DOCK7: variants seen among roughly 807,000 people sequenced by gnomAD.
DOCK7 encodes the protein dedicator of cytokinesis protein 7.
Under a neutral mutation model 271.0 loss-of-function variants are expected in DOCK7, and 138 were observed. The ratio of observed to expected loss-of-function variants is 0.51; its 90% confidence interval spans 0.44 to 0.59. The LOEUF is 0.59. Ranked by LOEUF, DOCK7 falls within the 20% of genes least tolerant of loss-of-function variation. The pLI, the probability that DOCK7 is intolerant of heterozygous loss-of-function variation, is 0.00. For missense variants in DOCK7, 2,066 were observed against 2,592.4 expected (o/e 0.80, Z 4.41); for synonymous variants, 823 against 876.1 (o/e 0.94, Z 1.07).
intron 18 of DOCK7, among the ~76,000 whole-genome samples, chr1:62,564,639 G>T (rs1646448796): frequency 6.6e-6 from 1 of 152,052 alleles, no homozygotes; most frequent in Admixed American, 6.6e-5. Flanking sequence ...ACAATTAAAA[G>T]AACTAGAGAA....
chr1:62,488,945 T>C lies in DOCK7; in HGVS notation c.5482A>G (p.Ile1828Val). The change falls in exon 42 of 50, where the codon ATT becomes GTT. Residue 1828 changes from isoleucine (I) to valine (V), a missense_variant. Physicochemically the swap from Ile to Val is conservative, Grantham distance 29. Transcript: ENST00000635253. ...ATTGGAATCATTACCTGATGAACAA[T>C]TTTGCTGAATGCTTCTTGAAGTTTA... ...HGKLQEAFSKIVHQSTGWERM... is the reference protein window; with the variant it reads ...HGKLQEAFSKVVHQSTGWERM... 2 of 1,613,694 alleles carry C rather than the reference T, an allele frequency of 1.2e-6. No homozygotes were observed. Among genetic ancestry groups the C allele is most frequent in the Non-Finnish European group, 1.7e-6 (2 of 1,179,852 alleles).
Position 62,513,348 on chromosome 1 carries a change from C to G in DOCK7, c.4282+96G>C, listed in dbSNP as rs1571353978. 1.9e-5 allele frequency: 22 copies of G among 1,160,658 alleles called. No individual in the cohort carries two copies. In the East Asian group the frequency reaches 8.6e-4, roughly 46 times the overall value. The allele number at this position is 1,160,658 out of a possible 1,614,324, so 71.9% of individuals were successfully genotyped here. A position where few individuals can be genotyped will look rare whatever the true frequency, so the allele number is the denominator to read the frequency against. On this transcript the variant is annotated intron_variant, in intron 33 of 49. Coordinates refer to ENST00000635253, the MANE Select transcript of DOCK7 (RefSeq NM_001367561.1). ...TTATTCAAGTTAATTCACAGTTACA[C>G]TTAAAACACTTTTTAAAAAGCATAG... is the stretch of plus-strand genomic sequence containing the variant.
At chr1:62,549,784 T>G (rs1412656901) in intron 22 of DOCK7, among the ~76,000 whole-genome samples, 1 of 152,196 alleles carries the variant, frequency 6.6e-6, no homozygotes, top group Non-Finnish European at 1.5e-5. Context: ...ATTATTTTTC[T>G]GTACCCATTA....
intron 34 of DOCK7, among the ~76,000 whole-genome samples, chr1:62,510,323 G>C (rs549036760): frequency 2.4e-4 from 36 of 152,266 alleles, no homozygotes; most frequent in Non-Finnish European, 4.3e-4. Flanking sequence ...GTTGCTGAAT[G>C]CATTTTCCAA....
At chr1:62,557,137 C>A (rs929145650) in intron 20 of DOCK7, among the ~76,000 whole-genome samples, 73 of 150,426 alleles carry the variant, frequency 4.9e-4, no homozygotes, top group Non-Finnish European at 9.6e-4. Flanking sequence ...TAGCTTCAGG[C>A]AGTCCTCCCA....
intron 41 of DOCK7, among the ~76,000 whole-genome samples, chr1:62,490,471 C>G (rs143033890): frequency 1.3e-5 from 2 of 152,252 alleles, no homozygotes; most frequent in Non-Finnish European, 2.9e-5. Flanking sequence ...GCCACCGAGT[C>G]CTCATCGGTT....
intron 22 of DOCK7, among the ~76,000 whole-genome samples, chr1:62,547,408 G>C (rs1571491835): frequency 6.6e-6 from 1 of 152,230 alleles, no homozygotes; most frequent in East Asian, 1.9e-4. Flanking sequence ...GTGTATGTAA[G>C]TGTGAGGTTT....
Position 62,547,028 on chromosome 1 carries a change from A to G in DOCK7, c.2767-1989T>C, listed in dbSNP as rs187232433. On this transcript the variant is annotated intron_variant, in intron 22 of 49. Coordinates refer to ENST00000635253, the MANE Select transcript of DOCK7 (RefSeq NM_001367561.1). ...TTTTCTCTCATGAATTTCCACAAAA[A>G]GAATAAGAACTTTGCTGTACTCTTA... 3.2e-4 allele frequency among the ~76,000 whole-genome samples: 48 copies of G among 152,290 alleles called. No homozygotes were observed. The East Asian group carries it at 7.3e-3, about 23-fold the overall frequency.
chr1:62,507,234 G>A (rs887126708), intron 35 of DOCK7, among the ~76,000 whole-genome samples: 2 of 152,154 alleles, frequency 1.3e-5, no homozygotes, highest in African/African-American at 4.8e-5. Context: ...GCAGAGTAGT[G>A]GTAGTAGAAA....
chr1:62,497,414 C>T (rs920742266), intron 37 of DOCK7, among the ~76,000 whole-genome samples: 1 of 152,116 alleles, frequency 6.6e-6, no homozygotes, highest in South Asian at 2.1e-4. Flanking sequence ...ATCTGGATGT[C>T]TCATAGGTAC....
At chr1:62,462,139 G>T (rs1225151202) in intron 48 of DOCK7, among the ~76,000 whole-genome samples, 6 of 150,828 alleles carry the variant, frequency 4.0e-5, no homozygotes, top group Admixed American at 2.6e-4. Context: ...AAATGTACAA[G>T]ACCTCTACAC....
intron 1 of DOCK7, among the ~76,000 whole-genome samples, 193 bp downstream of exon 1, chr1:62,688,034 G>T (rs2149794167): frequency 6.6e-6 from 1 of 151,572 alleles, no homozygotes; most frequent in East Asian, 2.0e-4. Context: ...GCTGAAGGCC[G>T]GGGTTCGAGG....
chr1:62,672,263 T>C (rs1359186237), intron 1 of DOCK7, among the ~76,000 whole-genome samples: 1 of 152,156 alleles, frequency 6.6e-6, no homozygotes, highest in Non-Finnish European at 1.5e-5. Context: ...ATACCTTACA[T>C]TATACAATAT....
intron 42 of DOCK7, 94 bp from the exon 43 acceptor site, chr1:62,487,506 C>T: frequency 9.0e-7 from 1 of 1,104,988 alleles, no homozygotes; most frequent in Admixed American, 1.9e-5. Context: ...AATTCTTCTC[C>T]ACAAACAGAA....
At chr1:62,589,044 C>T (rs1356588539) in intron 14 of DOCK7, among the ~76,000 whole-genome samples, 2 of 152,134 alleles carry the variant, frequency 1.3e-5, no homozygotes, top group Non-Finnish European at 2.9e-5. Context: ...CCCCAGCCCA[C>T]CTAAATCCAT....
intron 31 of DOCK7, among the ~76,000 whole-genome samples, chr1:62,522,212 A>T (rs74777276): frequency 8.3e-4 from 127 of 152,214 alleles, no homozygotes; most frequent in Non-Finnish European, 1.5e-3. Context: ...CCTCATTTTA[A>T]TTGGCTAGCC....
chr1:62,567,974 C>T (rs1646577491), intron 18 of DOCK7, among the ~76,000 whole-genome samples: 1 of 152,166 alleles, frequency 6.6e-6, no homozygotes, highest in Non-Finnish European at 1.5e-5. Context: ...TGTCACATTG[C>T]ATTTAGTCTA....
At chr1:62,474,469 C>A (rs1186900107) in intron 47 of DOCK7, among the ~76,000 whole-genome samples, 1 of 152,184 alleles carries the variant, frequency 6.6e-6, no homozygotes, top group Non-Finnish European at 1.5e-5. Context: ...AAAACAGGTT[C>A]CCTCAGTATT....
chr1:62,548,999 C>T (rs554156927), intron 22 of DOCK7, among the ~76,000 whole-genome samples: 42 of 152,014 alleles, frequency 2.8e-4, no homozygotes, highest in Non-Finnish European at 3.7e-4. Context: ...ATAACATTTA[C>T]GTGGTATTTA....
Sources: gnomAD v4.1 joint callset for allele counts (sites outside exome capture counted in the v4.1 genomes callset) on GRCh38, gnomAD v4.1.1 for gene constraint, MANE v1.5 for transcripts, NCBI Gene and HGNC (gene_info 2026-07-23, HGNC 2026-07-21) for gene names.